Variants in MAN1A2 observed in about 807,000 individuals in gnomAD.
MAN1A2 encodes the protein mannosidase alpha class 1A member 2.
In MAN1A2, 26 loss-of-function variants were observed where a neutral mutation model predicts 75.7. That is an observed-to-expected ratio of 0.34 (90% CI 0.25 to 0.48). The LOEUF (loss-of-function observed/expected upper bound fraction) is 0.48. Among genes scored for constraint, MAN1A2 ranks in the 20% least tolerant of loss-of-function variants. The pLI, the probability that MAN1A2 is intolerant of heterozygous loss-of-function variation, is 0.99. For missense variants in MAN1A2, 562 were observed against 775.5 expected, an observed-to-expected ratio of 0.72 and a Z score of 3.27; for synonymous variants, 247 against 264.6, an observed-to-expected ratio of 0.93 and a Z score of 0.65.
chr1:117,386,586 T>C (rs1653531115), intron 1 of MAN1A2, among the ~76,000 whole-genome samples: 1 of 152,210 alleles, frequency 6.6e-6, no homozygotes, highest in Admixed American at 6.5e-5. Context: ...TTTGCTTCAC[T>C]GTCTGCACCC....
intron 5 of MAN1A2, among the ~76,000 whole-genome samples, chr1:117,435,078 G>C (rs1459967703): frequency 2.0e-5 from 3 of 151,930 alleles, no homozygotes; most frequent in African/African-American, 7.3e-5. Context: ...TTAATTTTAG[G>C]TATTTTGAGT....
intron 5 of MAN1A2, among the ~76,000 whole-genome samples, chr1:117,439,612 G>A (rs1648963082): frequency 6.6e-6 from 1 of 151,922 alleles, no homozygotes; most frequent in Admixed American, 6.6e-5. Flanking sequence ...TCCGGCCTCA[G>A]CCTCCTGAGT....
At chr1:117,437,686 C>T (rs1284887320) in intron 5 of MAN1A2, among the ~76,000 whole-genome samples, 8 of 152,028 alleles carry the variant, frequency 5.3e-5, no homozygotes, top group Admixed American at 5.2e-4. Context: ...AGTTTTTCTA[C>T]TCTGTAAAAT....
chr1:117,411,312 A>ATGC (rs1021063066), intron 3 of MAN1A2, among the ~76,000 whole-genome samples: 4 of 151,832 alleles, frequency 2.6e-5, no homozygotes, highest in African/African-American at 9.7e-5. Flanking sequence ...TTCAACAAAG[A>ATGC]TGCTGAGGTT....
At chr1:117,482,133 A>C (rs1650517794) in intron 8 of MAN1A2, among the ~76,000 whole-genome samples, 1 of 151,932 alleles carries the variant, frequency 6.6e-6, no homozygotes, top group South Asian at 2.1e-4. Context: ...ACATAGGTAT[A>C]CATGTGACAT....
At chr1:117,429,198 ACTT>A (rs1229746436) in intron 5 of MAN1A2, among the ~76,000 whole-genome samples, 2 of 146,550 alleles carry the variant, frequency 1.4e-5, no homozygotes, top group Non-Finnish European at 3.0e-5. Context: ...TCTCATGTCT[ACTT>A]CTTTCTACAC....
chr1:117,468,575 G>A (rs1349963207), intron 8 of MAN1A2, among the ~76,000 whole-genome samples: 1 of 152,076 alleles, frequency 6.6e-6, no homozygotes, highest in African/African-American at 2.4e-5. Flanking sequence ...TTGAAATGTT[G>A]CTAGTATGGT....
intron 1 of MAN1A2, among the ~76,000 whole-genome samples, chr1:117,375,513 A>T (rs981331429): frequency 7.9e-5 from 12 of 152,334 alleles, no homozygotes; most frequent in African/African-American, 2.9e-4. Context: ...AAAAATATTT[A>T]TATAATCAAC....
At chr1:117,496,729 A>G (rs1202043398) in intron 9 of MAN1A2, 34 bp from the exon 10 acceptor site, 2 of 1,456,276 alleles carry the variant, frequency 1.4e-6, no homozygotes, top group South Asian at 1.1e-5. Context: ...AATAGTTTGC[A>G]TCTAAAATTT....
At chr1:117,511,755 C>G (rs953988301) in intron 12 of MAN1A2, among the ~76,000 whole-genome samples, 3 of 152,028 alleles carry the variant, frequency 2.0e-5, no homozygotes, top group African/African-American at 7.2e-5. Flanking sequence ...TCAAATTGTT[C>G]CCTTACTCCC....
chr1:117,406,999 A>G lies in MAN1A2; in HGVS notation c.655+1354A>G, dbSNP rs187316533. Among the ~76,000 whole-genome samples, 518 of 152,216 alleles carry G rather than the reference A, an allele frequency of 3.4e-3. 2 individuals are homozygous for G. Among genetic ancestry groups the G allele is most frequent in the Non-Finnish European group, 3.6e-3 (247 of 67,952 alleles). ...TATTTATCAAATAGATACTGGTCCTATCTGTTTATCAGATAAATATTGATG... is the reference window on the plus strand; with the variant it reads ...TATTTATCAAATAGATACTGGTCCTGTCTGTTTATCAGATAAATATTGATG... On this transcript the variant is annotated intron_variant, in intron 3 of 12. Transcript: ENST00000356554.
intron 6 of MAN1A2, among the ~76,000 whole-genome samples, chr1:117,450,551 AG>A (rs1268675210): frequency 6.6e-6 from 1 of 152,206 alleles, no homozygotes; most frequent in Non-Finnish European, 1.5e-5. Context: ...AAATGTCTCC[AG>A]GGCATGTCAG....
At chr1:117,429,331 C>T (rs1303050899) in intron 5 of MAN1A2, among the ~76,000 whole-genome samples, 8 of 138,476 alleles carry the variant, frequency 5.8e-5, no homozygotes, top group South Asian at 2.3e-4. Flanking sequence ...ACCTCCCAGA[C>T]GGGGTGGTGG....
chr1:117,412,478 TCATC>T (rs2101768334), intron 3 of MAN1A2, among the ~76,000 whole-genome samples: 1 of 151,846 alleles, frequency 6.6e-6, no homozygotes, highest in Non-Finnish European at 1.5e-5. Context: ...CATTTCTAAT[TCATC>T]CATTTCTGCC....
chr1:117,414,678 C>A, intron 3 of MAN1A2, 35 bp from the exon 4 acceptor site: 3 of 1,103,376 alleles, frequency 2.7e-6, no homozygotes, highest in Non-Finnish European at 4.2e-6. Context: ...CTAAAGGGAT[C>A]TTTTTAATGA....
chr1:117,458,523 A>ATTTTTT (rs5777311), intron 6 of MAN1A2, among the ~76,000 whole-genome samples: 8 of 105,606 alleles, frequency 7.6e-5, no homozygotes, highest in African/African-American at 1.7e-4. Context: ...ATATATATAT[A>ATTTTTT]TTTTTTTTTT....
rs955519133 is a variant in MAN1A2 at position 117,491,303 on chromosome 1, A to C, written c.1169-1844A>C. 2.6e-5 allele frequency among the ~76,000 whole-genome samples: 4 copies of C among 152,164 alleles called. No homozygotes were observed. The East Asian group carries it at 7.8e-4, about 30-fold the overall frequency. ...CAGCTGTTGATTTTAATTTGAAGTC[A>C]GTGCTCATTTACCATTCTGAAAATC... is the stretch of plus-strand genomic sequence containing the variant. On this transcript the variant is annotated intron_variant, in intron 8 of 12. Coordinates refer to ENST00000356554, the MANE Select transcript of MAN1A2 (RefSeq NM_006699.5).
intron 6 of MAN1A2, among the ~76,000 whole-genome samples, chr1:117,459,591 A>G (rs1649749361): frequency 6.6e-6 from 1 of 152,212 alleles, no homozygotes; most frequent in African/African-American, 2.4e-5. Context: ...TAACCTTTTT[A>G]GAAGATAATG....
chr1:117,502,800 C>A, intron 11 of MAN1A2, 55 bp from the exon 12 acceptor site: 1 of 888,206 alleles, frequency 1.1e-6, no homozygotes, highest in Non-Finnish European at 1.8e-6. Flanking sequence ...GTTTTGTTGT[C>A]CTTCAAAACT....
Sources: allele counts gnomAD v4.1 joint callset (sites outside exome capture counted in the v4.1 genomes callset), GRCh38; gene constraint gnomAD v4.1.1; transcripts MANE v1.5; gene names NCBI Gene and HGNC (gene_info 2026-07-23, HGNC 2026-07-21).